PBX3: variants seen among roughly 807,000 people sequenced by gnomAD.
PBX3 encodes the protein PBX homeobox 3, also known as pre-B-cell leukemia transcription factor 3.
PBX3 carries 14 observed loss-of-function variants against 48.5 expected under a neutral mutation model. That is an observed-to-expected ratio of 0.29 (90% CI 0.19 to 0.45). The LOEUF (loss-of-function observed/expected upper bound fraction) is 0.45. PBX3 is among the 20% of genes least tolerant of loss of function. The pLI is 1.00. For missense variants in PBX3, 386 were observed against 546.7 expected, an observed-to-expected ratio of 0.71 and a Z score of 2.93; for synonymous variants, 210 against 200.3, an observed-to-expected ratio of 1.05 and a Z score of -0.41.
At chr9:125,751,098 A>C (rs1023992073) in intron 2 of PBX3, among the ~76,000 whole-genome samples, 1 of 152,226 alleles carries the variant, frequency 6.6e-6, no homozygotes, top group African/African-American at 2.4e-5. Flanking sequence ...ATATTGCATA[A>C]ATATTTTTTA....
chr9:125,780,978 C>T (rs1410940532), intron 2 of PBX3, among the ~76,000 whole-genome samples: 6 of 102,854 alleles, frequency 5.8e-5, no homozygotes, highest in African/African-American at 1.3e-4. Flanking sequence ...CGGGCAGAGG[C>T]GCTCCTCACT....
intron 2 of PBX3, among the ~76,000 whole-genome samples, chr9:125,891,893 G>A (rs1840653507): frequency 6.6e-6 from 1 of 151,998 alleles, no homozygotes; most frequent in African/African-American, 2.4e-5. Context: ...CCGAAATTAG[G>A]CCTACCTGTT....
At chr9:125,786,343 G>A (rs1837456510) in intron 2 of PBX3, among the ~76,000 whole-genome samples, 1 of 152,192 alleles carries the variant, frequency 6.6e-6, no homozygotes, top group East Asian at 1.9e-4. Context: ...CACAGTAGAG[G>A]CAGAAAACCA....
chr9:125,932,261 T>C (rs751332086), intron 4 of PBX3, among the ~76,000 whole-genome samples: 1 of 152,224 alleles, frequency 6.6e-6, no homozygotes, highest in Non-Finnish European at 1.5e-5. Context: ...CTGGTCTAAA[T>C]GCTCGCTTTT....
chr9:125,839,295 A>G (rs1483023222), intron 2 of PBX3, among the ~76,000 whole-genome samples: 1 of 152,190 alleles, frequency 6.6e-6, no homozygotes, highest in African/African-American at 2.4e-5. Flanking sequence ...AACCAGTTAA[A>G]TCTCATTCAT....
At chr9:125,899,523 G>A (rs1239436519) in intron 2 of PBX3, among the ~76,000 whole-genome samples, 1 of 148,766 alleles carries the variant, frequency 6.7e-6, no homozygotes, top group Non-Finnish European at 1.5e-5. Context: ...TTGTCAGAGG[G>A]TAGGTACATG....
At chr9:125,784,491 TG>T (rs1366130816) in intron 2 of PBX3, among the ~76,000 whole-genome samples, 2 of 152,230 alleles carry the variant, frequency 1.3e-5, no homozygotes, top group Non-Finnish European at 1.5e-5. Context: ...GTGGTAACTC[TG>T]GAAATCAGAT....
intron 5 of PBX3, among the ~76,000 whole-genome samples, chr9:125,941,544 G>T (rs565869402): frequency 1.3e-5 from 2 of 152,324 alleles, no homozygotes; most frequent in East Asian, 3.9e-4. Flanking sequence ...ATGTGACTGG[G>T]TTCTGGATAA....
chr9:125,935,364 G>A, intron 4 of PBX3, 108 bp from the exon 5 acceptor site: 1 of 896,252 alleles, frequency 1.1e-6, no homozygotes, highest in Non-Finnish European at 1.7e-6. Context: ...AGACCTTAAG[G>A]ATGTTTAAAA....
chr9:125,795,018 T>A (rs1475326001), intron 2 of PBX3, among the ~76,000 whole-genome samples: 1 of 152,250 alleles, frequency 6.6e-6, no homozygotes, highest in African/African-American at 2.4e-5. Context: ...CTTTTACTAA[T>A]GGTGGTGTAC....
At chr9:125,925,726 C>G (rs1841560395) in intron 3 of PBX3, among the ~76,000 whole-genome samples, 1 of 152,042 alleles carries the variant, frequency 6.6e-6, no homozygotes, top group African/African-American at 2.4e-5. Context: ...TCACCTAATT[C>G]TTTGTATTTT....
intron 2 of PBX3, among the ~76,000 whole-genome samples, chr9:125,884,296 T>C (rs1041459494): frequency 6.6e-6 from 1 of 152,186 alleles, no homozygotes; most frequent in Non-Finnish European, 1.5e-5. Context: ...TGCCAAAATG[T>C]TGTGTTGCAT....
At chr9:125,949,287 G>T in intron 5 of PBX3, 1 of 1,486,268 alleles carries the variant, frequency 6.7e-7, no homozygotes, top group Non-Finnish European at 9.1e-7. Context: ...CATGTATGAA[G>T]AGTGCCTAGT....
At chr9:125,873,931 C>T (rs1840187088) in intron 2 of PBX3, among the ~76,000 whole-genome samples, 1 of 151,922 alleles carries the variant, frequency 6.6e-6, no homozygotes, top group Non-Finnish European at 1.5e-5. Context: ...TGACAAACCT[C>T]TGGTAAAGAT....
intron 2 of PBX3, among the ~76,000 whole-genome samples, chr9:125,775,789 G>A (rs535342860): frequency 2.5e-4 from 38 of 152,138 alleles, no homozygotes; most frequent in Non-Finnish European, 2.6e-4. Flanking sequence ...ATTGTGATAG[G>A]AGTTGCATTG....
At chr9:125,772,730 G>A (rs1425836758) in intron 2 of PBX3, among the ~76,000 whole-genome samples, 3 of 152,120 alleles carry the variant, frequency 2.0e-5, no homozygotes, top group African/African-American at 7.2e-5. Flanking sequence ...TTAATAAATT[G>A]CAGCTATTGC....
intron 1 of PBX3, chr9:125,748,174 C>T (rs923267166): frequency 3.7e-5 from 34 of 929,492 alleles, no homozygotes; most frequent in Non-Finnish European, 4.1e-5. Flanking sequence ...TGTCACCCTC[C>T]CGCTGGCCGC....
intron 2 of PBX3, among the ~76,000 whole-genome samples, chr9:125,847,142 A>G (rs1263816584): frequency 6.6e-6 from 1 of 152,028 alleles, no homozygotes; most frequent in Non-Finnish European, 1.5e-5. Context: ...TAGGTGGCTC[A>G]TATTGTCTGC....
At chr9:125,907,063 C>G (rs1417217418) in intron 2 of PBX3, among the ~76,000 whole-genome samples, 1 of 151,940 alleles carries the variant, frequency 6.6e-6, no homozygotes, top group Admixed American at 6.6e-5. Context: ...TAATGAGCAA[C>G]TATCATGAGT....
Sources: gnomAD v4.1 joint callset for allele counts (sites outside exome capture counted in the v4.1 genomes callset) on GRCh38, gnomAD v4.1.1 for gene constraint, MANE v1.5 for transcripts, NCBI Gene and HGNC (gene_info 2026-07-23, HGNC 2026-07-21) for gene names.